TAF8: variants seen among roughly 807,000 people sequenced by gnomAD.
TAF8 encodes TATA-box binding protein associated factor 8.
Under a neutral mutation model 36.5 loss-of-function variants are expected in TAF8, and 47 were observed. The ratio of observed to expected loss-of-function variants is 1.29; its 90% CI spans 1.02 to 1.64. The LOEUF (loss-of-function observed/expected upper bound fraction) is 1.64, where lower values mean the gene tolerates loss of function less well. Ranked by LOEUF, TAF8 falls within the 40% of genes most tolerant of loss-of-function variation. The pLI is 0.00. For synonymous variants in TAF8, 175 were observed against 159.5 expected (o/e 1.10, Z -0.73); for missense variants, 420 against 407.6 (o/e 1.03, Z -0.26).
At chr6:42,067,473 C>T (rs538175420) in intron 6 of TAF8, among the ~76,000 whole-genome samples, 1 of 152,136 alleles carries the variant, frequency 6.6e-6, no homozygotes, top group East Asian at 1.9e-4. Flanking sequence ...CCTCAGCCTC[C>T]CAAAGTGCTG....
intron 5 of TAF8, among the ~76,000 whole-genome samples, chr6:42,060,694 A>G (rs1274195764): frequency 6.6e-6 from 1 of 152,306 alleles, no homozygotes; most frequent in East Asian, 1.9e-4. Context: ...TTGGCTATAT[A>G]AGTCAACTTT....
intron 2 of TAF8, among the ~76,000 whole-genome samples, chr6:42,053,292 G>T (rs1764862929): frequency 6.6e-6 from 1 of 152,144 alleles, no homozygotes; most frequent in Non-Finnish European, 1.5e-5. Flanking sequence ...TCTAGGTGTG[G>T]TGGCTCACGC....
At chr6:42,071,311 CTTTTTTTTTTTTTTTTTT>C (rs70987566) in intron 7 of TAF8, 120 of 121,628 alleles carry the variant, frequency 9.9e-4, no homozygotes, top group South Asian at 3.1e-3. Context: ...CCTGGACATA[CTTTTTTTTTTTTTTTTTT>C]TTTTTTTTTT....
chr6:42,077,433 A>G (rs2492931), intron 8 of TAF8, 100 bp from the exon 9 acceptor site: 156,823 of 1,566,754 alleles, frequency 0.1, 8,736 homozygotes, highest in African/African-American at 0.17. Context: ...AGTGTCCTGC[A>G]GTCTAGGGAC....
chr6:42,072,875 A>G (rs938340310), intron 7 of TAF8, among the ~76,000 whole-genome samples: 2 of 151,840 alleles, frequency 1.3e-5, no homozygotes, highest in Non-Finnish European at 2.9e-5. Context: ...GGCGCCCGCC[A>G]CCACGCCCGG....
Position 42,080,765 on chromosome 6 carries a change from A to G in TAF8, c.*3220A>G. ...AACATTGACCCTGTATAAAAATGCA[A>G]AATTCTCAATGTGTATTTATAAATT... is the stretch of plus-strand genomic sequence containing the variant. On this transcript the variant is annotated 3_prime_UTR_variant, in exon 9 of 9. Transcript: ENST00000372977. The G allele has an allele frequency of 1.0e-6, 1 of 984,126 alleles. No individual in the cohort carries two copies. Among genetic ancestry groups the G allele is most frequent in the Non-Finnish European group, 1.2e-6 (1 of 828,762 alleles). The allele number at this position is 984,126 out of a possible 1,614,324, so 61.0% of individuals were successfully genotyped here.
intron 7 of TAF8, among the ~76,000 whole-genome samples, chr6:42,071,834 A>G (rs7763360): frequency 0.1 from 15,471 of 152,152 alleles, 971 homozygotes; most frequent in African/African-American, 0.16. Flanking sequence ...CTTTGTAAGT[A>G]CAATATAGTT....
chr6:42,063,419 T>TGA (rs1765251803), intron 5 of TAF8: 1 of 152,140 alleles, frequency 6.6e-6, no homozygotes, highest in Non-Finnish European at 1.5e-5. Context: ...CAGGCATGGG[T>TGA]ACATACTCCA....
intron 6 of TAF8, 99 bp downstream of exon 6, chr6:42,066,558 TCCTTC>T: frequency 7.1e-7 from 1 of 1,413,778 alleles, no homozygotes; most frequent in Non-Finnish European, 9.8e-7. Flanking sequence ...TAAGCTTTTG[TCCTTC>T]CCTTGGGTAC....
chr6:42,086,770 TC>T (rs1318301872), downstream of TAF8: 17 of 1,549,794 alleles, frequency 1.1e-5, no homozygotes, highest in Admixed American at 2.2e-4. Flanking sequence ...TGCCAAGTGC[TC>T]CCCAAGGAGA....
chr6:42,066,134 C>G (rs1765352549), intron 5 of TAF8, among the ~76,000 whole-genome samples, 178 bp from the exon 6 acceptor site: 1 of 152,182 alleles, frequency 6.6e-6, no homozygotes, highest in Admixed American at 6.5e-5. Flanking sequence ...CTCCTGATCT[C>G]AGGTGATCCA....
At position 42,068,555 on chromosome 6, in the gene TAF8, CG is replaced by C. The variant is rs1562017131; in HGVS notation, c.730del (p.Glu244SerfsTer55). On this transcript the variant is annotated frameshift_variant, in exon 7 of 9. Transcript: ENST00000372977. LOFTEE classifies it high-confidence loss of function. Reference sequence around the variant, plus strand: ...CAACAAATGGAAGAGACAGATTCCTCGGAGCAGGATGAACAGACAGACACAG... The same window carrying C: ...CAACAAATGGAAGAGACAGATTCCTCGAGCAGGATGAACAGACAGACACAG... Reference protein sequence around the residue: ...EMQQMEETDSSEQDEQTDTEN... With the variant: ...EMQQMEETDSXEQDEQTDTEN... 2 of 1,614,024 alleles carry C rather than the reference CG, an allele frequency of 1.2e-6. No individual in the cohort carries two copies. The highest frequency in any genetic ancestry group is 1.7e-6 in the Non-Finnish European group (2 of 1,180,028).
chr6:42,081,107 A>T lies in TAF8; in HGVS notation c.*3562A>T, dbSNP rs1765908324. 1 of 253,374 alleles carries T rather than the reference A, an allele frequency of 3.9e-6. No individual in the cohort carries two copies. Among genetic ancestry groups the T allele is most frequent in the South Asian group, 1.5e-4 (1 of 6,798 alleles). The allele number at this position is 253,374 out of a possible 1,614,324, so 15.7% of individuals were successfully genotyped here. On this transcript the variant is annotated 3_prime_UTR_variant, in exon 9 of 9. Coordinates refer to ENST00000372977, the MANE Select transcript of TAF8 (RefSeq NM_138572.3). ...TCATCAAGCTTCCACACTTGTCAGT[A>T]GCTTGTTGATTCTGTTTCATCTGTT...
intron 5 of TAF8, among the ~76,000 whole-genome samples, chr6:42,062,047 C>G (rs1332337557): frequency 6.6e-6 from 1 of 152,150 alleles, no homozygotes; most frequent in Non-Finnish European, 1.5e-5. Context: ...TCTTCTCTCC[C>G]TCTCCTCTTT....
At chr6:42,053,569 AAAAAAAAAAG>A (rs1205688585) in intron 2 of TAF8, among the ~76,000 whole-genome samples, 3 of 146,912 alleles carry the variant, frequency 2.0e-5, no homozygotes, top group Non-Finnish European at 2.9e-5. Flanking sequence ...CCGTCTCAAA[AAAAAAAAAAG>A]AAAAAAAAAG....
intron 7 of TAF8, among the ~76,000 whole-genome samples, chr6:42,075,277 G>A (rs1765705068): frequency 6.6e-6 from 1 of 152,158 alleles, no homozygotes; most frequent in Non-Finnish European, 1.5e-5. Context: ...AACTAGGTTG[G>A]TCCTGCAGCA....
At chr6:42,071,949 C>T (rs1325179307) in intron 7 of TAF8, among the ~76,000 whole-genome samples, 2 of 152,146 alleles carry the variant, frequency 1.3e-5, no homozygotes, top group Non-Finnish European at 2.9e-5. Flanking sequence ...TCTTGAATAC[C>T]ATGAGGCCAA....
rs868359543 is a variant in TAF8, at chr6:42,081,203, G to C, written c.*3658G>C. On this transcript the variant is annotated 3_prime_UTR_variant, in exon 9 of 9. Coordinates refer to ENST00000372977, the MANE Select transcript of TAF8 (RefSeq NM_138572.3). ...TGTGTGTGTGTGTGCGTGTGTGTGC[G>C]TGTGAGACAGAGTTTCGCGCTGGAG... 6.5e-6 allele frequency: 1 copy of C among 154,538 alleles called. No homozygotes were observed. The highest frequency in any genetic ancestry group is 2.1e-4 in the South Asian group (1 of 4,846). 9.6% of individuals were successfully genotyped at this position (154,538 alleles called of 1,614,324 possible).
At chr6:42,076,987 C>CT in intron 7 of TAF8, 113 bp from the exon 8 acceptor site, 1 of 1,321,888 alleles carries the variant, frequency 7.6e-7, no homozygotes. Flanking sequence ...AAAGAAGGTG[C>CT]TTCCCAGGTT....
Sources: gnomAD v4.1 joint callset for allele counts (sites outside exome capture counted in the v4.1 genomes callset) on GRCh38, gnomAD v4.1.1 for gene constraint, MANE v1.5 for transcripts, NCBI Gene and HGNC (gene_info 2026-07-23, HGNC 2026-07-21) for gene names.